The following WWOX variants were observed in gnomAD, a reference collection of about 807,000 sequenced individuals.
The protein encoded by WWOX is WW domain-containing oxidoreductase.
In WWOX, 69 loss-of-function variants were observed where a neutral mutation model predicts 46.2. The observed-to-expected ratio is 1.49, with a 90% CI of 1.23 to 1.82. The LOEUF is 1.82. Among genes scored for constraint, WWOX ranks in the 40% most tolerant of loss-of-function variants. WWOX has a pLI of 0.00. For missense variants in WWOX, 919 were observed against 542.6 expected, an observed-to-expected ratio of 1.69 and a Z score of -6.89; for synonymous variants, 359 against 202.6, an observed-to-expected ratio of 1.77 and a Z score of -6.56.
chr16:78,765,371 C>A (rs2049902612), intron 8 of WWOX, among the ~76,000 whole-genome samples: 1 of 152,164 alleles, frequency 6.6e-6, no homozygotes, highest in African/African-American at 2.4e-5. Flanking sequence ...AGGTGAGAGG[C>A]CCTGAAATTT....
intron 8 of WWOX, among the ~76,000 whole-genome samples, chr16:79,147,365 G>T (rs2050200233): frequency 6.6e-6 from 1 of 152,064 alleles, no homozygotes; most frequent in East Asian, 1.9e-4. Context: ...AATCTTTTGG[G>T]GACTGACTTT....
At chr16:78,174,956 C>T (rs1567612767) in intron 5 of WWOX, among the ~76,000 whole-genome samples, 2 of 150,912 alleles carry the variant, frequency 1.3e-5, no homozygotes, top group African/African-American at 2.4e-5. Context: ...CCACTGCACT[C>T]CAATCTGGGT....
At chr16:79,018,294 T>C (rs1438811882) in intron 8 of WWOX, among the ~76,000 whole-genome samples, 1 of 152,216 alleles carries the variant, frequency 6.6e-6, no homozygotes, top group South Asian at 2.1e-4. Context: ...ATGGTGTAAA[T>C]TATATCTGAC....
intron 8 of WWOX, among the ~76,000 whole-genome samples, chr16:79,153,117 G>T (rs2050313654): frequency 6.6e-6 from 1 of 152,260 alleles, no homozygotes; most frequent in Non-Finnish European, 1.5e-5. Context: ...CACGCTCAGG[G>T]TCATGGGCTT....
intron 8 of WWOX, among the ~76,000 whole-genome samples, chr16:78,562,808 T>A (rs1567646522): frequency 6.6e-6 from 1 of 152,250 alleles, no homozygotes; most frequent in East Asian, 1.9e-4. Context: ...TTCAGTGTCA[T>A]CACAGAAAAG....
At chr16:78,324,942 G>T (rs1478843063) in intron 5 of WWOX, among the ~76,000 whole-genome samples, 2 of 152,156 alleles carry the variant, frequency 1.3e-5, no homozygotes, top group East Asian at 1.9e-4. Context: ...TCTCAATAAA[G>T]CTGTTAAAAA....
At chr16:78,178,414 G>T in intron 5 of WWOX, among the ~76,000 whole-genome samples, 1 of 152,310 alleles carries the variant, frequency 6.6e-6, no homozygotes, top group Admixed American at 6.5e-5. Context: ...AGGCTGCTAC[G>T]CTTTTATTCT....
chr16:78,559,752 A>C (rs892634942), intron 8 of WWOX, among the ~76,000 whole-genome samples: 32 of 152,178 alleles, frequency 2.1e-4, no homozygotes, highest in African/African-American at 7.7e-4. Context: ...CTAACTAATG[A>C]CTTTAATCGT....
intron 8 of WWOX, among the ~76,000 whole-genome samples, chr16:79,115,724 CAG>C (rs1474151609): frequency 6.6e-6 from 1 of 152,168 alleles, no homozygotes; most frequent in African/African-American, 2.4e-5. Context: ...GAGAAAAAAA[CAG>C]TGATAGGACT....
At chr16:78,744,855 C>A (rs1002391706) in intron 8 of WWOX, among the ~76,000 whole-genome samples, 1 of 152,152 alleles carries the variant, frequency 6.6e-6, no homozygotes, top group African/African-American at 2.4e-5. Flanking sequence ...TCACTAAAGT[C>A]ATTGGGTAAG....
rs61113878 is a variant in WWOX, at chr16:78,356,071, TAAAAA to T, written c.517-30771_517-30767del. On this transcript the variant is annotated intron_variant, in intron 5 of 8. Transcript: ENST00000566780. ...TATGACCACCAAGATTTTTTTTTCCTAAAAAAAAAAAAAAAAAAAAAAGAAGAATC... is the reference window on the plus strand; with the variant it reads ...TATGACCACCAAGATTTTTTTTTCCTAAAAAAAAAAAAAAAAAGAAGAATC... 1.3e-3 allele frequency among the ~76,000 whole-genome samples: 99 copies of T among 76,142 alleles called. 1 individual carries two copies. Among genetic ancestry groups the T allele is most frequent in the African/African-American group, 2.2e-3 (48 of 21,600 alleles). 50.0% of individuals were successfully genotyped at this position (76,142 alleles called of 152,430 possible). A position where few individuals can be genotyped will look rare whatever the true frequency, so the allele number is the denominator to read the frequency against.
intron 8 of WWOX, among the ~76,000 whole-genome samples, chr16:78,772,312 A>G (rs1174842330): frequency 4.6e-5 from 7 of 152,100 alleles, no homozygotes. Context: ...CTCTTCCTGC[A>G]TTAGTTTGCT....
intron 5 of WWOX, among the ~76,000 whole-genome samples, chr16:78,298,145 C>A (rs1404714154): frequency 6.6e-6 from 1 of 152,174 alleles, no homozygotes; most frequent in Non-Finnish European, 1.5e-5. Context: ...GAGGCCTCTG[C>A]AGCCCTGTAG....
chr16:78,649,805 G>A (rs2046925683), intron 8 of WWOX, among the ~76,000 whole-genome samples: 1 of 152,118 alleles, frequency 6.6e-6, no homozygotes, highest in Non-Finnish European at 1.5e-5. Flanking sequence ...AATACTCAAA[G>A]CCTTGATTTT....
intron 8 of WWOX, among the ~76,000 whole-genome samples, chr16:78,924,662 C>T (rs2045457967): frequency 6.6e-6 from 1 of 152,160 alleles, no homozygotes; most frequent in Non-Finnish European, 1.5e-5. Flanking sequence ...ATTATCCATT[C>T]AACATTTATT....
intron 8 of WWOX, among the ~76,000 whole-genome samples, chr16:78,752,011 G>GAA (rs1567535952): frequency 5.3e-5 from 8 of 151,706 alleles, no homozygotes; most frequent in Non-Finnish European, 1.2e-4. Context: ...CTTTAAATAA[G>GAA]GAGGAGGATG....
At chr16:78,412,542 G>A (rs1054980180) in intron 6 of WWOX, among the ~76,000 whole-genome samples, 7 of 152,208 alleles carry the variant, frequency 4.6e-5, no homozygotes, top group African/African-American at 1.7e-4. Flanking sequence ...ATGGGCAAAA[G>A]AGGAAGGGTT....
At chr16:78,249,960 C>G (rs564749630) in intron 5 of WWOX, among the ~76,000 whole-genome samples, 1 of 152,172 alleles carries the variant, frequency 6.6e-6, no homozygotes, top group Non-Finnish European at 1.5e-5. Flanking sequence ...AATCAGAGGG[C>G]TGAGGCCAGG....
At chr16:78,924,052 G>A (rs891677418) in intron 8 of WWOX, among the ~76,000 whole-genome samples, 8 of 151,978 alleles carry the variant, frequency 5.3e-5, no homozygotes, top group East Asian at 3.9e-4. Context: ...TCCTGATTTC[G>A]TGATTCCACC....
Sources: allele counts gnomAD v4.1 joint callset (sites outside exome capture counted in the v4.1 genomes callset), GRCh38; gene constraint gnomAD v4.1.1; transcripts MANE v1.5; gene names NCBI Gene and HGNC (gene_info 2026-07-23, HGNC 2026-07-21).